IPO11: variants seen among roughly 807,000 people sequenced by gnomAD.
IPO11 encodes importin 11.
A neutral mutation model predicts 143.2 loss-of-function variants in IPO11; 66 were observed. The ratio of observed to expected loss-of-function variants is 0.46; its 90% CI spans 0.38 to 0.57. The LOEUF is 0.57. Among genes scored for constraint, IPO11 ranks in the 20% least tolerant of loss-of-function variants. IPO11 has a pLI of 0.00. For synonymous variants in IPO11, 385 were observed against 377.8 expected, an observed-to-expected ratio of 1.02 and a Z score of -0.22; for missense variants, 1,026 against 1,141.0, an observed-to-expected ratio of 0.90 and a Z score of 1.45.
At chr5:62,594,680 A>C (rs116587491) in intron 28 of IPO11, among the ~76,000 whole-genome samples, 1 of 152,328 alleles carries the variant, frequency 6.6e-6, no homozygotes, top group African/African-American at 2.4e-5. Flanking sequence ...TAGCCATCAC[A>C]CTAAGAAAGC....
intron 24 of IPO11, among the ~76,000 whole-genome samples, chr5:62,548,306 A>G (rs2112344488): frequency 6.6e-6 from 1 of 152,294 alleles, no homozygotes; most frequent in East Asian, 1.9e-4. Flanking sequence ...GTTCAGACAC[A>G]TCAAGGATTC....
chr5:62,586,902 T>C (rs1201194282), intron 27 of IPO11, among the ~76,000 whole-genome samples: 1 of 150,672 alleles, frequency 6.6e-6, no homozygotes, highest in Non-Finnish European at 1.5e-5. Flanking sequence ...ATAAATTCCT[T>C]TTATCACTTG....
chr5:62,460,289 A>G (rs867475155), intron 5 of IPO11, among the ~76,000 whole-genome samples: 1 of 152,092 alleles, frequency 6.6e-6, no homozygotes, highest in Non-Finnish European at 1.5e-5. Context: ...TTAATTTTGA[A>G]TAGTATTGAC....
At chr5:62,546,753 G>C (rs1271418583) in intron 24 of IPO11, among the ~76,000 whole-genome samples, 2 of 152,198 alleles carry the variant, frequency 1.3e-5, no homozygotes, top group Non-Finnish European at 2.9e-5. Context: ...ACCTTGTCCA[G>C]TTACACAGTG....
At chr5:62,425,089 ACT>A (rs1156725972) in intron 1 of IPO11, among the ~76,000 whole-genome samples, 2 of 151,930 alleles carry the variant, frequency 1.3e-5, no homozygotes, top group Admixed American at 6.6e-5. Flanking sequence ...GCATTGCATT[ACT>A]CTCTAGGCTC....
chr5:62,429,393 C>T (rs1743890100), intron 1 of IPO11, among the ~76,000 whole-genome samples: 1 of 151,992 alleles, frequency 6.6e-6, no homozygotes. Flanking sequence ...GGAAATACCA[C>T]ATTTTATTTT....
intron 26 of IPO11, among the ~76,000 whole-genome samples, chr5:62,557,333 G>C (rs533742742): frequency 6.6e-6 from 1 of 152,210 alleles, no homozygotes; most frequent in South Asian, 2.1e-4. Context: ...ATAGGTGCAC[G>C]CCACCAAGCC....
At chr5:62,476,088 A>G (rs911765715) in intron 8 of IPO11, among the ~76,000 whole-genome samples, 10 of 152,236 alleles carry the variant, frequency 6.6e-5, no homozygotes, top group African/African-American at 2.4e-4. Context: ...GAATGTTCAT[A>G]TTGTGTAGTT....
chr5:62,441,630 C>G (rs1212090163), intron 2 of IPO11, among the ~76,000 whole-genome samples: 1 of 150,238 alleles, frequency 6.7e-6, no homozygotes, highest in East Asian at 2.0e-4. Context: ...ATTCTCCTGC[C>G]TCAGCCTACT....
At chr5:62,588,759 G>T (rs899808961) in intron 27 of IPO11, among the ~76,000 whole-genome samples, 1 of 152,160 alleles carries the variant, frequency 6.6e-6, no homozygotes, top group African/African-American at 2.4e-5. Flanking sequence ...TGCTTAGGGT[G>T]TAAAATATAG....
chr5:62,494,187 G>A, intron 16 of IPO11, 63 bp downstream of exon 16: 1 of 1,416,810 alleles, frequency 7.1e-7, no homozygotes, highest in Non-Finnish European at 9.6e-7. Flanking sequence ...AAATCATCAA[G>A]TTCACAACAG....
In IPO11 at chr5:62,528,424, TTG is replaced by T. The variant is rs139114686; in HGVS notation, c.2012+2168_2012+2169del. Among the ~76,000 whole-genome samples the T allele has an allele frequency of 4.4e-3, 673 of 152,272 alleles. 7 individuals carry two copies. The highest frequency in any genetic ancestry group is 0.016 in the African/African-American group (649 of 41,546). ...CAGACTATGCACACTGATAACTTGTTTGAGAGCTTTTACTATTAAGAGGAGCA... is the reference window on the plus strand; with the variant it reads ...CAGACTATGCACACTGATAACTTGTTAGAGCTTTTACTATTAAGAGGAGCA... On this transcript the variant is annotated intron_variant, in intron 21 of 29. Transcript: ENST00000325324.
intron 19 of IPO11, among the ~76,000 whole-genome samples, chr5:62,513,778 G>T (rs1267361257): frequency 4.0e-5 from 6 of 151,230 alleles, no homozygotes; most frequent in Non-Finnish European, 8.9e-5. Flanking sequence ...AGGCGGAGAC[G>T]CTCCTCACTT....
intron 16 of IPO11, among the ~76,000 whole-genome samples, chr5:62,498,776 A>G (rs1470061978): frequency 6.6e-6 from 1 of 152,216 alleles, no homozygotes; most frequent in Non-Finnish European, 1.5e-5. Context: ...AGGTTGAGGC[A>G]GGAGAATTGC....
intron 24 of IPO11, among the ~76,000 whole-genome samples, chr5:62,542,872 CTTT>C (rs1561355602): frequency 6.6e-6 from 1 of 152,004 alleles, no homozygotes. Flanking sequence ...AGCCAAGTTT[CTTT>C]TTTTCACTGT....
At position 62,419,406 on chromosome 5, in the gene IPO11, G is replaced by A. The variant is rs551323579; in HGVS notation, c.-7+6477G>A. Among the ~76,000 whole-genome samples, 277 of 152,228 alleles carry A rather than the reference G, an allele frequency of 1.8e-3. 9 individuals carry two copies. In the South Asian group the frequency reaches 0.055, roughly 30 times the overall value. ...AGTTTATAAACTTTTTGTCTCTGTT[G>A]CAGTAACACTTAGCTTAAAACACAA... is the stretch of plus-strand genomic sequence containing the variant. On this transcript the variant is annotated intron_variant, in intron 1 of 29. Coordinates refer to ENST00000325324, the MANE Select transcript of IPO11 (RefSeq NM_016338.5).
At chr5:62,509,314 T>G (rs1741668676) in intron 19 of IPO11, among the ~76,000 whole-genome samples, 1 of 152,208 alleles carries the variant, frequency 6.6e-6, no homozygotes, top group Non-Finnish European at 1.5e-5. Context: ...GAGGTGTCCT[T>G]AGGAACTTAG....
chr5:62,580,952 A>T lies in IPO11; in HGVS notation c.2583-10625A>T, dbSNP rs748179051. The T allele has an allele frequency of 1.0e-4, 158 of 1,551,188 alleles. No homozygotes were observed. The highest frequency in any genetic ancestry group is 6.7e-4 in the Middle Eastern group (4 of 6,008). ...GAAAAAAACAGTGCTCTACCGAATG[A>T]TGCTGCTTCAATGTCAGGGAAAACA... On this transcript the variant is annotated intron_variant, in intron 27 of 29. Coordinates refer to ENST00000325324, the MANE Select transcript of IPO11 (RefSeq NM_016338.5).
At chr5:62,445,432 G>T (rs1484670107) in intron 3 of IPO11, among the ~76,000 whole-genome samples, 1 of 151,850 alleles carries the variant, frequency 6.6e-6, no homozygotes, top group Non-Finnish European at 1.5e-5. Flanking sequence ...ATTTTCTTCA[G>T]GTTAATGGCT....
Sources: gnomAD v4.1 joint callset for allele counts (sites outside exome capture counted in the v4.1 genomes callset) on GRCh38, gnomAD v4.1.1 for gene constraint, MANE v1.5 for transcripts, NCBI Gene and HGNC (gene_info 2026-07-23, HGNC 2026-07-21) for gene names.